Variants in TOPAZ1 observed in about 807,000 individuals in gnomAD.
TOPAZ1 encodes testis and ovary specific TOPAZ 1, also known as protein TOPAZ1.
Under a neutral mutation model 172.2 loss-of-function variants are expected in TOPAZ1, and 66 were observed. The ratio of observed to expected loss-of-function variants is 0.38; its 90% CI spans 0.31 to 0.47. TOPAZ1 has a LOEUF of 0.47. Ranked by LOEUF, TOPAZ1 falls within the 20% of genes least tolerant of loss-of-function variation. The pLI is 0.99. For missense variants in TOPAZ1, 1,822 were observed against 1,972.4 expected (o/e 0.92, Z 1.44); for synonymous variants, 681 against 683.9 (o/e 1.00, Z 0.07).
At position 44,243,717 on chromosome 3, in the gene TOPAZ1, AAGAAAC is replaced by A; in HGVS notation, c.1213_1218del (p.Glu405_Thr406del). On this transcript the variant is annotated inframe_deletion, in exon 2 of 20. Transcript: ENST00000309765. Reference sequence around the variant, plus strand: ...TTAAGTGTCCCAGAAACAGTAGAAAAAGAAACAAGTTCTGAACATCATGTAAATGCT... The same window carrying A: ...TTAAGTGTCCCAGAAACAGTAGAAAAAAGTTCTGAACATCATGTAAATGCT... 6.4e-7 allele frequency: 1 copy of A among 1,550,856 alleles called. No individual in the cohort carries two copies. Among genetic ancestry groups the A allele is most frequent in the South Asian group, 1.2e-5 (1 of 83,776 alleles).
Position 44,244,431 on chromosome 3 carries a change from C to G in TOPAZ1, c.1925C>G (p.Thr642Arg). 1 of 1,551,206 alleles carries G rather than the reference C, an allele frequency of 6.4e-7. No homozygotes were observed. The highest frequency in any genetic ancestry group is 1.2e-5 in the South Asian group (1 of 83,766). Residue 642 changes from threonine to arginine, a missense_variant, in exon 2 of 20, where the codon ACA (threonine) becomes AGA (arginine). By Grantham distance (71) the Thr-to-Arg change is moderately conservative. Coordinates refer to ENST00000309765, the MANE Select transcript of TOPAZ1 (RefSeq NM_001145030.2). The stretch of plus-strand genomic sequence containing the variant: ...GGAAATTTAACGAAACTTAATTTGA[C>G]AGCGACTTCCAAAGATGGTCAGGAA... ...ARGNLTKLNL[T>R]ATSKDGQEAN...
intron 14 of TOPAZ1, among the ~76,000 whole-genome samples, chr3:44,305,757 G>T (rs1161642196): frequency 6.6e-6 from 1 of 152,082 alleles, no homozygotes; most frequent in Non-Finnish European, 1.5e-5. Flanking sequence ...CCATGTTGTG[G>T]ATAAATTAAT....
chr3:44,299,430 A>G (rs565965899), intron 12 of TOPAZ1, among the ~76,000 whole-genome samples: 1 of 152,014 alleles, frequency 6.6e-6, no homozygotes, highest in African/African-American at 2.4e-5. Context: ...TAGAATGGCA[A>G]TCATTAAAAA....
intron 12 of TOPAZ1, among the ~76,000 whole-genome samples, chr3:44,294,257 T>G (rs1700170495): frequency 6.6e-6 from 1 of 151,464 alleles, no homozygotes; most frequent in Admixed American, 6.6e-5. Flanking sequence ...AAAAGACATA[T>G]AGCCATCAAA....
At chr3:44,303,891 T>C (rs2125699359) in intron 12 of TOPAZ1, 124 bp from the exon 13 acceptor site, 1 of 484,988 alleles carries the variant, frequency 2.1e-6, no homozygotes, top group South Asian at 5.8e-5. Context: ...AGAATGTTTA[T>C]AGCATATTAT....
intron 16 of TOPAZ1, among the ~76,000 whole-genome samples, chr3:44,318,257 T>C (rs937008263): frequency 6.6e-6 from 1 of 151,970 alleles, no homozygotes; most frequent in Non-Finnish European, 1.5e-5. Context: ...TTCGAGACCA[T>C]CCTGGCCAAC....
intron 12 of TOPAZ1, among the ~76,000 whole-genome samples, chr3:44,296,854 A>AG (rs1700202387): frequency 1.6e-5 from 2 of 124,982 alleles, no homozygotes; most frequent in South Asian, 2.7e-4. Flanking sequence ...TACCAAAAAA[A>AG]AAAAAAAAAA....
intron 16 of TOPAZ1, among the ~76,000 whole-genome samples, chr3:44,312,239 A>AC: frequency 6.6e-6 from 1 of 152,128 alleles, no homozygotes; most frequent in Non-Finnish European, 1.5e-5. Context: ...GCCAAAAAAA[A>AC]AAAAAAAAAC....
Position 44,244,317 on chromosome 3 carries a change from G to T in TOPAZ1, c.1811G>T (p.Arg604Ile), listed in dbSNP as rs1157256097. ...KKIKSEELSR[R>I]GSEVISNTTE... ...ATAAAATCAGAGGAACTGAGCAGAAGAGGGTCAGAGGTAATTTCTAACACT... is the reference window on the plus strand; with the variant it reads ...ATAAAATCAGAGGAACTGAGCAGAATAGGGTCAGAGGTAATTTCTAACACT... Residue 604 changes from arginine to isoleucine, a missense_variant, in exon 2 of 20, where the codon AGA becomes ATA. Physicochemically the swap from Arg to Ile is moderately conservative, Grantham distance 97 (BLOSUM62 -3). Around this residue, in one of 2 missense-constraint regions of TOPAZ1, gnomAD observed 1,489 missense variants for 1,490.8 expected, o/e 1.00. Coordinates refer to ENST00000309765, the MANE Select transcript of TOPAZ1 (RefSeq NM_001145030.2). The T allele has an allele frequency of 1.3e-6, 2 of 1,550,772 alleles. No individual in the cohort carries two copies. The highest frequency in any genetic ancestry group is 2.0e-5 in the Admixed American group (1 of 50,862).
chr3:44,335,334 A>G (rs542351155), downstream of TOPAZ1, among the ~76,000 whole-genome samples: 1 of 152,142 alleles, frequency 6.6e-6, no homozygotes, highest in African/African-American at 2.4e-5. Flanking sequence ...TTTTTTAAAT[A>G]TGCTATAGGG....
intron 8 of TOPAZ1, among the ~76,000 whole-genome samples, chr3:44,278,161 G>C (rs1187368119): frequency 6.6e-6 from 1 of 152,074 alleles, no homozygotes; most frequent in Non-Finnish European, 1.5e-5. Context: ...CCTTCATTCT[G>C]TTAATGTGAT....
At chr3:44,302,229 T>C (rs1700280266) in intron 12 of TOPAZ1, among the ~76,000 whole-genome samples, 1 of 151,988 alleles carries the variant, frequency 6.6e-6, no homozygotes, top group African/African-American at 2.4e-5. Flanking sequence ...GCTAACATGG[T>C]GAAGCCCCGT....
intron 9 of TOPAZ1, among the ~76,000 whole-genome samples, chr3:44,283,308 A>G (rs1165890698): frequency 6.6e-6 from 1 of 152,210 alleles, no homozygotes; most frequent in Non-Finnish European, 1.5e-5. Context: ...AATAGACCTG[A>G]TACATATGAG....
chr3:44,299,957 T>TGGGG (rs59025711), intron 12 of TOPAZ1, among the ~76,000 whole-genome samples: 8 of 94,306 alleles, frequency 8.5e-5, no homozygotes, highest in Admixed American at 1.2e-4. Context: ...TGTTGTGGGG[T>TGGGG]GGGGGGAGGG....
At chr3:44,260,960 T>C (rs544077733) in intron 4 of TOPAZ1, among the ~76,000 whole-genome samples, 5 of 152,260 alleles carry the variant, frequency 3.3e-5, no homozygotes, top group African/African-American at 1.2e-4. Context: ...CAAAGTTTTA[T>C]GTGTAGATCT....
At chr3:44,306,668 C>T (rs747428771) in intron 15 of TOPAZ1, among the ~76,000 whole-genome samples, 9 of 152,040 alleles carry the variant, frequency 5.9e-5, no homozygotes, top group South Asian at 4.2e-4. Flanking sequence ...AAGCTGAGTT[C>T]GAGGCCAGCC....
At chr3:44,327,534 A>G (rs1373808006) in intron 18 of TOPAZ1, among the ~76,000 whole-genome samples, 1 of 152,202 alleles carries the variant, frequency 6.6e-6, no homozygotes, top group African/African-American at 2.4e-5. Flanking sequence ...ATGGAAATGT[A>G]TTTTATGCCT....
At chr3:44,290,192 A>C (rs1251553988) in intron 11 of TOPAZ1, among the ~76,000 whole-genome samples, 1 of 152,176 alleles carries the variant, frequency 6.6e-6, no homozygotes, top group Non-Finnish European at 1.5e-5. Context: ...CCTGCCTCTC[A>C]TTCATCTATT....
chr3:44,263,447 A>T (rs904223119), intron 5 of TOPAZ1, among the ~76,000 whole-genome samples: 6 of 152,210 alleles, frequency 3.9e-5, no homozygotes, highest in Non-Finnish European at 8.8e-5. Flanking sequence ...GATCAAAAAT[A>T]AAAAATAGAT....
Sources: allele counts gnomAD v4.1 joint callset (sites outside exome capture counted in the v4.1 genomes callset), GRCh38; gene constraint gnomAD v4.1.1; regional missense constraint gnomAD v4.1.1; transcripts MANE v1.5; gene names NCBI Gene and HGNC (gene_info 2026-07-23, HGNC 2026-07-21).